MAGEB3: variants seen among roughly 807,000 people sequenced by gnomAD.
MAGEB3 encodes the protein melanoma-associated antigen B3.
For synonymous variants in MAGEB3, 91 were observed against 93.0 expected (o/e 0.98, Z 0.12); for missense variants, 191 against 262.4 (o/e 0.73, Z 1.88).
rs182812872 is a variant in MAGEB3, at chrX:30,236,073, T to C, written c.149T>C (p.Ile50Thr). The change falls in exon 5 of 5, where the codon ATC becomes ACC. Residue 50 changes from isoleucine to threonine, a missense_variant. Transcript: ENST00000361644. ...FSSPLILGAT[I>T]QKKSAGRSRS... ...TCCCCTCTTATTTTGGGGGCTACTA[T>C]CCAGAAAAAGTCTGCTGGTAGGTCA... 44 of 1,209,202 alleles carry C rather than the reference T, an allele frequency of 3.6e-5. No individual in the cohort carries two copies. In the East Asian group the frequency reaches 1.3e-3, roughly 35 times the overall value.
intron 1 of MAGEB3, among the ~76,000 whole-genome samples, chrX:30,231,100 G>GC (rs1248973911): frequency 2.8e-5 from 3 of 105,903 alleles, no homozygotes; most frequent in East Asian, 2.9e-4. Flanking sequence ...AACTGTTTGG[G>GC]CCCCCCCAGG....
At position 30,237,302 on chromosome X, in the gene MAGEB3, G is replaced by T; in HGVS notation, c.*337G>T. The T allele has an allele frequency of 5.6e-6, 1 of 178,352 alleles. No homozygotes were observed. The highest frequency in any genetic ancestry group is 1.1e-5 in the Non-Finnish European group (1 of 89,710). The allele number at this position is 178,352 out of a possible 1,213,427, so 14.7% of individuals were successfully genotyped here. A position where few individuals can be genotyped will look rare whatever the true frequency, so the allele number is the denominator to read the frequency against. ...TTAGAATAAGCATTTCCTTGAAAAT[G>T]TTTAAAAAAAAAAAGTCAGCAGTAA... On this transcript the variant is annotated 3_prime_UTR_variant, in exon 5 of 5. Coordinates refer to ENST00000361644, the MANE Select transcript of MAGEB3 (RefSeq NM_002365.5).
chrX:30,231,952 C>G (rs961853074), intron 2 of MAGEB3, among the ~76,000 whole-genome samples: 5 of 111,375 alleles, frequency 4.5e-5, no homozygotes, highest in African/African-American at 1.6e-4. Context: ...GAATAAGGAC[C>G]TAGGGACCAC....
chrX:30,231,676 C>CAAAAAAAAAAAAAAAAAAAA (rs747591707), intron 2 of MAGEB3, 58 bp downstream of exon 2: 1 of 28,085 alleles, frequency 3.6e-5, no homozygotes, highest in Non-Finnish European at 5.2e-5. Context: ...GCCCCTGTCA[C>CAAAAAAAAAAAAAAAAAAAA]AAAAAAAAAA....
In MAGEB3 at chrX:30,236,136, C is replaced by A; in HGVS notation, c.212C>A (p.Thr71Asn). The change falls in exon 5 of 5, where the codon ACC becomes AAC. Residue 71 changes from threonine to asparagine, a missense_variant. Thr to Asn is a moderately conservative substitution (Grantham distance 65). Coordinates refer to ENST00000361644, the MANE Select transcript of MAGEB3 (RefSeq NM_002365.5). ...AAGAAGCCTCAGAGAGCACTATCCA[C>A]CACTACATCTGTAGATGTTTCTTAC... ...ALKKPQRALS[T>N]TTSVDVSYKK... is the part of the protein sequence containing the mutation. 1.7e-6 allele frequency: 2 copies of A among 1,207,352 alleles called. No homozygotes were observed. Among genetic ancestry groups the A allele is most frequent in the Non-Finnish European group, 2.2e-6 (2 of 892,815 alleles).
At position 30,237,089 on chromosome X, in the gene MAGEB3, A is replaced by G. The variant is rs1177168029; in HGVS notation, c.*124A>G. 1 of 458,344 alleles carries G rather than the reference A, an allele frequency of 2.2e-6. No individual in the cohort carries two copies. Among genetic ancestry groups the G allele is most frequent in the Non-Finnish European group, 3.5e-6 (1 of 283,224 alleles). The allele number at this position is 458,344 out of a possible 1,213,427, so 37.8% of individuals were successfully genotyped here. A position where few individuals can be genotyped will look rare whatever the true frequency, so the allele number is the denominator to read the frequency against. ...TACCTTTTGTTTCTGTTCTAAATGG[A>G]TAATTTGAAGTTTTATCTGTATTTT... On this transcript the variant is annotated 3_prime_UTR_variant, in exon 5 of 5. Transcript: ENST00000361644.
At position 30,236,088 on chromosome X, in the gene MAGEB3, C is replaced by T. The variant is rs755941263; in HGVS notation, c.164C>T (p.Ala55Val). 5 of 1,210,770 alleles carry T rather than the reference C, an allele frequency of 4.1e-6. No individual in the cohort carries two copies. The highest frequency in any genetic ancestry group is 5.6e-6 in the Non-Finnish European group (5 of 894,877). The change falls in exon 5 of 5, where the codon GCT becomes GTT. Residue 55 changes from alanine to valine, a missense_variant. Ala to Val is a moderately conservative substitution (Grantham distance 64). Coordinates refer to ENST00000361644, the MANE Select transcript of MAGEB3 (RefSeq NM_002365.5). ...GGGGCTACTATCCAGAAAAAGTCTG[C>T]TGGTAGGTCACGTAGTGCTCTCAAG... ...ILGATIQKKSAGRSRSALKKP... is the reference protein window; with the variant it reads ...ILGATIQKKSVGRSRSALKKP...
chrX:30,235,762 C>T (rs752533043), intron 4 of MAGEB3, 102 bp from the exon 5 acceptor site: 5 of 445,497 alleles, frequency 1.1e-5, no homozygotes, highest in Non-Finnish European at 2.0e-5. Context: ...GTTTCCAGAG[C>T]AGTGCTCTCA....
rs1344044801 is a variant in MAGEB3, at chrX:30,231,548, C to T, written c.-324C>T. ...CTCTGGCTCACGCTTGTAATCCCAA[C>T]ATTTTGGGAGGACGAAGCCAGCCTC... On this transcript the variant is annotated 5_prime_UTR_variant, in exon 2 of 5. Transcript: ENST00000361644. 4 of 102,288 alleles carry T rather than the reference C, an allele frequency of 3.9e-5. No homozygotes were observed. The highest frequency in any genetic ancestry group is 9.6e-3 in the Middle Eastern group (2 of 208). 8.4% of individuals were successfully genotyped at this position (102,288 alleles called of 1,213,427 possible).
intron 1 of MAGEB3, among the ~76,000 whole-genome samples, chrX:30,231,147 G>T (rs1178868491): frequency 3.6e-5 from 3 of 83,646 alleles, no homozygotes; most frequent in African/African-American, 1.4e-4. Context: ...GCGAAAACCT[G>T]TCTCTACAAA....
rs376226231 is a variant in MAGEB3, at chrX:30,232,811, T to A, written c.-253-16T>A. 2 of 104,073 alleles carry A rather than the reference T, an allele frequency of 1.9e-5. No individual in the cohort carries two copies. The highest frequency in any genetic ancestry group is 7.0e-5 in the African/African-American group (2 of 28,682). The allele number at this position is 104,073 out of a possible 1,213,427, so 8.6% of individuals were successfully genotyped here. Reference sequence around the variant, plus strand: ...AAATAAATAAATATAAACTTTTTTTTATTTTTTATTTTAAGGCAGGGCTGT... The same window carrying A: ...AAATAAATAAATATAAACTTTTTTTAATTTTTTATTTTAAGGCAGGGCTGT... On this transcript the variant is annotated splice_polypyrimidine_tract_variant and intron_variant, in intron 2 of 4. Coordinates refer to ENST00000361644, the MANE Select transcript of MAGEB3 (RefSeq NM_002365.5).
rs1384245559 is a variant in MAGEB3, at chrX:30,237,021, G to A, written c.*56G>A. 1 of 909,643 alleles carries A rather than the reference G, an allele frequency of 1.1e-6. No individual in the cohort carries two copies. The highest frequency in any genetic ancestry group is 2.0e-5 in the African/African-American group (1 of 50,825). 75.0% of individuals were successfully genotyped at this position (909,643 alleles called of 1,213,427 possible). A position where few individuals can be genotyped will look rare whatever the true frequency, so the allele number is the denominator to read the frequency against. ...TTAAAGAGGGCAGTCACTGTTCCAA[G>A]GAGTGAAGGACTGGGTGTTACTGGA... On this transcript the variant is annotated 3_prime_UTR_variant, in exon 5 of 5. Transcript: ENST00000361644.
chrX:30,231,736 G>A (rs1459292142), intron 2 of MAGEB3, 118 bp downstream of exon 2: 9 of 99,359 alleles, frequency 9.1e-5, no homozygotes, highest in Non-Finnish European at 1.4e-4. Flanking sequence ...GAGGCCCACC[G>A]GTGCTAACCA....
chrX:30,237,305 T>TAA lies in MAGEB3; in HGVS notation c.*350_*351dup. ...GAATAAGCATTTCCTTGAAAATGTT[T>TAA]AAAAAAAAAAAGTCAGCAGTAAAAT... On this transcript the variant is annotated 3_prime_UTR_variant, in exon 5 of 5. Transcript: ENST00000361644. 4 of 163,229 alleles carry TAA rather than the reference T, an allele frequency of 2.5e-5. No individual in the cohort carries two copies. Among genetic ancestry groups the TAA allele is most frequent in the East Asian group, 1.4e-4 (1 of 7,074 alleles). The allele number at this position is 163,229 out of a possible 1,213,427, so 13.5% of individuals were successfully genotyped here.
intron 1 of MAGEB3, among the ~76,000 whole-genome samples, chrX:30,231,083 G>A (rs1924765091): frequency 9.2e-6 from 1 of 108,480 alleles, no homozygotes; most frequent in Non-Finnish European, 1.9e-5. Flanking sequence ...GGAGGCCGAG[G>A]CGAGTGAACT....
rs1160452050 is a variant in MAGEB3, at chrX:30,231,701, AAGAAAG to A, written c.-254+85_-254+90del. The stretch of plus-strand genomic sequence containing the variant: ...CAAAAAAAAAAAAAAAAAAAAAAAA[AAGAAAG>A]AAAGAAAGAAAGAAATATGAGGCCC... On this transcript the variant is annotated intron_variant, in intron 2 of 4. Coordinates refer to ENST00000361644, the MANE Select transcript of MAGEB3 (RefSeq NM_002365.5). 583 of 75,045 alleles carry A rather than the reference AAGAAAG, an allele frequency of 7.8e-3. 15 individuals carry two copies. Among genetic ancestry groups the A allele is most frequent in the African/African-American group, 0.033 (489 of 14,776 alleles). 6.2% of individuals were successfully genotyped at this position (75,045 alleles called of 1,213,427 possible).
At chrX:30,235,576 C>T (rs1365033010) in intron 4 of MAGEB3, among the ~76,000 whole-genome samples, 1 of 111,317 alleles carries the variant, frequency 9.0e-6, no homozygotes, top group Non-Finnish European at 1.9e-5. Context: ...TGAGTGTGAA[C>T]TGAGAGAAAC....
rs1925007004 is a variant in MAGEB3 at position 30,237,142 on chromosome X, A to G, written c.*177A>G. 1 of 389,400 alleles carries G rather than the reference A, an allele frequency of 2.6e-6. No individual in the cohort carries two copies. The highest frequency in any genetic ancestry group is 8.0e-5 in the South Asian group (1 of 12,454). The allele number at this position is 389,400 out of a possible 1,213,427, so 32.1% of individuals were successfully genotyped here. On this transcript the variant is annotated 3_prime_UTR_variant, in exon 5 of 5. Coordinates refer to ENST00000361644, the MANE Select transcript of MAGEB3 (RefSeq NM_002365.5). ...GGCATATTTTTCAAATGTTCCTTTTATTTAACATTGTAATCTAAGTTTAGG... is the reference window on the plus strand; with the variant it reads ...GGCATATTTTTCAAATGTTCCTTTTGTTTAACATTGTAATCTAAGTTTAGG...
In MAGEB3 at chrX:30,233,718, G is replaced by T. The variant is rs1410353481; in HGVS notation, c.-62+355G>T. On this transcript the variant is annotated intron_variant, in intron 4 of 4. Coordinates refer to ENST00000361644, the MANE Select transcript of MAGEB3 (RefSeq NM_002365.5). ...GGACCACTGACTCCAGAACAGTGGG[G>T]TCCCAGCGTGTCACCCCCTGCTGTC... Among the ~76,000 whole-genome samples the T allele has an allele frequency of 2.7e-5, 3 of 111,628 alleles. No homozygotes were observed. The East Asian group carries it at 8.4e-4, about 31-fold the overall frequency.
Sources: gnomAD v4.1 joint callset for allele counts (sites outside exome capture counted in the v4.1 genomes callset) on GRCh38, gnomAD v4.1.1 for gene constraint, MANE v1.5 for transcripts, NCBI Gene and HGNC (gene_info 2026-07-23, HGNC 2026-07-21) for gene names.